SKA2: variants seen among roughly 807,000 people sequenced by gnomAD.
SKA2 encodes the protein spindle and kinetochore-associated protein 2.
SKA2 carries 13 observed loss-of-function variants against 16.9 expected under a neutral mutation model. That is an observed-to-expected ratio of 0.77 (90% CI 0.50 to 1.22). The LOEUF (loss-of-function observed/expected upper bound fraction) is 1.22. Among genes scored for constraint, SKA2 ranks in the 50% most tolerant of loss-of-function variants. The probability of loss-of-function intolerance (pLI) is 0.00; values close to 1 mark genes in which losing one functional copy is unlikely to be tolerated. For synonymous variants in SKA2, 47 were observed against 48.5 expected, an observed-to-expected ratio of 0.97 and a Z score of 0.13; for missense variants, 107 against 139.7, an observed-to-expected ratio of 0.77 and a Z score of 1.18.
intron 1 of SKA2, among the ~76,000 whole-genome samples, chr17:59,143,661 ACTGCTC>A (rs1328174812): frequency 1.3e-5 from 2 of 151,920 alleles, no homozygotes; most frequent in Non-Finnish European, 2.9e-5. Flanking sequence ...GGCGTGAGCC[ACTGCTC>A]CTGGCATAAT....
At chr17:59,137,957 G>A (rs2046458762) in intron 1 of SKA2, 1 of 355,074 alleles carries the variant, frequency 2.8e-6, no homozygotes, top group African/African-American at 2.2e-5. Flanking sequence ...GCGCAAATTT[G>A]ATTCTGATAA....
intron 1 of SKA2, among the ~76,000 whole-genome samples, chr17:59,144,551 A>G (rs768067185): frequency 2.6e-4 from 40 of 152,356 alleles, no homozygotes; most frequent in Non-Finnish European, 4.6e-4. Context: ...AAAATGTAGT[A>G]CATACGTACA....
At chr17:59,132,359 CA>C (rs61261962) in intron 1 of SKA2, among the ~76,000 whole-genome samples, 21 of 141,610 alleles carry the variant, frequency 1.5e-4, no homozygotes, top group Admixed American at 3.6e-4. Flanking sequence ...TCCGTCTCCA[CA>C]AAAAAAAAAA....
intron 2 of SKA2, among the ~76,000 whole-genome samples, chr17:59,123,241 C>CTTTTTTTT (rs138522640): frequency 1.0e-5 from 1 of 99,126 alleles, no homozygotes; most frequent in Non-Finnish European, 2.0e-5. Flanking sequence ...GTACAAAATT[C>CTTTTTTTT]TTTTTTTTTT....
chr17:59,127,950 G>A, intron 2 of SKA2, among the ~76,000 whole-genome samples: 1 of 152,102 alleles, frequency 6.6e-6, no homozygotes, highest in East Asian at 1.9e-4. Flanking sequence ...GGGCACGGTG[G>A]CTCACACCTG....
intron 3 of SKA2, 82 bp from the exon 4 acceptor site, chr17:59,112,427 C>G: frequency 2.0e-6 from 2 of 1,008,522 alleles, no homozygotes; most frequent in Non-Finnish European, 3.0e-6. Flanking sequence ...ATTGTCACAC[C>G]AATAAATGTT....
intron 1 of SKA2, among the ~76,000 whole-genome samples, chr17:59,153,972 A>C (rs948322392): frequency 2.6e-5 from 4 of 151,564 alleles, no homozygotes; most frequent in African/African-American, 9.7e-5. Context: ...GAGTTTCACC[A>C]TGTTGGCCAG....
chr17:59,154,929 A>G, intron 1 of SKA2: 1 of 1,610,944 alleles, frequency 6.2e-7, no homozygotes, highest in African/African-American at 1.3e-5. Context: ...CATTTCCCTG[A>G]CGAGTTTCCC....
At chr17:59,131,248 A>AT (rs749696458) in intron 2 of SKA2, 33 bp downstream of exon 2, 44 of 1,496,542 alleles carry the variant, frequency 2.9e-5, no homozygotes, top group East Asian at 9.6e-5. Context: ...GTTAAGGCTG[A>AT]TTTTTTTTAA....
chr17:59,112,213 T>G lies in SKA2; in HGVS notation c.*64A>C. The G allele has an allele frequency of 7.3e-7, 1 of 1,374,496 alleles. No individual in the cohort carries two copies. The highest frequency in any genetic ancestry group is 1.0e-6 in the Non-Finnish European group (1 of 974,894). The allele number at this position is 1,374,496 out of a possible 1,614,324, so 85.1% of individuals were successfully genotyped here. ...CTAGACATCAAGGGTTAACAAGACA[T>G]CTTCCTAAATTTCTCCGGAATTAAG... On this transcript the variant is annotated 3_prime_UTR_variant, in exon 4 of 4. Transcript: ENST00000330137.
chr17:59,136,014 G>C (rs1406348244), intron 1 of SKA2, among the ~76,000 whole-genome samples: 2 of 151,462 alleles, frequency 1.3e-5, no homozygotes, highest in Non-Finnish European at 2.9e-5. Flanking sequence ...CCTGTGACTA[G>C]TCACTGCACT....
chr17:59,132,850 T>C (rs1447157239), intron 1 of SKA2, among the ~76,000 whole-genome samples: 1 of 152,232 alleles, frequency 6.6e-6, no homozygotes, highest in Non-Finnish European at 1.5e-5. Flanking sequence ...TAGACAGATT[T>C]GACATGACAC....
intron 2 of SKA2, among the ~76,000 whole-genome samples, chr17:59,127,039 T>G (rs1392061044): frequency 6.6e-6 from 1 of 152,208 alleles, no homozygotes; most frequent in East Asian, 1.9e-4. Flanking sequence ...ATTCTACTTA[T>G]ATGAGTCCCT....
At chr17:59,125,482 C>T (rs1463174353) in intron 2 of SKA2, among the ~76,000 whole-genome samples, 3 of 150,702 alleles carry the variant, frequency 2.0e-5, no homozygotes, top group Non-Finnish European at 4.4e-5. Flanking sequence ...TGGTGGATCA[C>T]CTGAGGTCAG....
chr17:59,127,389 C>A (rs2046378846), intron 2 of SKA2, among the ~76,000 whole-genome samples: 4 of 151,944 alleles, frequency 2.6e-5, no homozygotes. Context: ...ACTACAATTT[C>A]TTTTCTTTTC....
At chr17:59,112,816 T>G (rs974914618) in intron 3 of SKA2, among the ~76,000 whole-genome samples, 18 of 152,168 alleles carry the variant, frequency 1.2e-4, no homozygotes, top group African/African-American at 4.3e-4. Context: ...GTAAATGCTA[T>G]GTACATAATT....
At position 59,128,085 on chromosome 17, in the gene SKA2, C is replaced by T. The variant is rs140594379; in HGVS notation, c.120+3196G>A. Among the ~76,000 whole-genome samples, 1,137 of 151,694 alleles carry T rather than the reference C, an allele frequency of 7.5e-3. 16 individuals carry two copies. The highest frequency in any genetic ancestry group is 0.025 in the African/African-American group (1,049 of 41,378). On this transcript the variant is annotated intron_variant, in intron 2 of 3. Coordinates refer to ENST00000330137, the MANE Select transcript of SKA2 (RefSeq NM_182620.4). ...ACAAAAATCAGCTGGTGTGGTGGCA[C>T]GCACCTGTACTCCTAGCTACTCAGG...
At chr17:59,132,616 A>G (rs2046419026) in intron 1 of SKA2, among the ~76,000 whole-genome samples, 2 of 152,330 alleles carry the variant, frequency 1.3e-5, no homozygotes, top group Admixed American at 6.5e-5. Context: ...GTGAGCCAAG[A>G]TTGGCCACTG....
chr17:59,143,533 A>T (rs2147816715), intron 1 of SKA2, among the ~76,000 whole-genome samples: 1 of 152,100 alleles, frequency 6.6e-6, no homozygotes, highest in South Asian at 2.1e-4. Context: ...AAACGTGCCC[A>T]GCTAATTTTT....
Sources: gnomAD v4.1 joint callset for allele counts (sites outside exome capture counted in the v4.1 genomes callset) on GRCh38, gnomAD v4.1.1 for gene constraint, MANE v1.5 for transcripts, NCBI Gene and HGNC (gene_info 2026-07-23, HGNC 2026-07-21) for gene names.